The following EML6 variants were observed in gnomAD, a reference collection of about 807,000 sequenced individuals.
EML6 encodes the protein echinoderm microtubule-associated protein-like 6.
A neutral mutation model predicts 240.1 loss-of-function variants in EML6; 154 were observed. The observed-to-expected ratio is 0.64, with a 90% CI of 0.56 to 0.73. EML6 has a LOEUF of 0.73. EML6 is among the 30% of genes least tolerant of loss of function. EML6 has a pLI of 0.00. For missense variants in EML6, 2,964 were observed against 2,474.6 expected (o/e 1.20, Z -4.20); for synonymous variants, 1,148 against 899.0 (o/e 1.28, Z -4.95).
intron 7 of EML6, 73 bp from the exon 8 acceptor site, chr2:54,843,973 TG>T: frequency 1.1e-6 from 1 of 877,726 alleles, no homozygotes; most frequent in Non-Finnish European, 1.8e-6. Context: ...TTTGTGTGTG[TG>T]TGTGTGTGTG....
At chr2:54,775,588 C>T (rs754832844) in intron 2 of EML6, among the ~76,000 whole-genome samples, 1 of 152,294 alleles carries the variant, frequency 6.6e-6, no homozygotes, top group Admixed American at 6.5e-5. Flanking sequence ...CTTATTACAA[C>T]CTAAAACTGT....
At chr2:54,726,396 A>G (rs1008800548) in intron 2 of EML6, among the ~76,000 whole-genome samples, 7 of 152,214 alleles carry the variant, frequency 4.6e-5, no homozygotes, top group Admixed American at 2.6e-4. Context: ...AATGATTTCA[A>G]AGATCAGCTT....
chr2:54,938,736 C>T (rs967643839), intron 28 of EML6, among the ~76,000 whole-genome samples: 1 of 152,182 alleles, frequency 6.6e-6, no homozygotes, highest in African/African-American at 2.4e-5. Context: ...TGATGGGTTC[C>T]TTGGACATCT....
chr2:54,968,388 C>T, intron 40 of EML6, 107 bp downstream of exon 40: 1 of 1,079,972 alleles, frequency 9.3e-7, no homozygotes, highest in African/African-American at 1.6e-5. Context: ...GAAACCCTGT[C>T]CCGGTACAGT....
Position 54,962,727 on chromosome 2 carries a change from C to T in EML6, c.5157+16C>T, listed in dbSNP as rs953535486. ...GGCTGACAAGGTGAGGCCGACTCTGCCCAAACTCAGATGCCCACGAGTGGG... is the reference window on the plus strand; with the variant it reads ...GGCTGACAAGGTGAGGCCGACTCTGTCCAAACTCAGATGCCCACGAGTGGG... On this transcript the variant is annotated intron_variant, in intron 36 of 41. Coordinates refer to ENST00000356458, the MANE Select transcript of EML6 (RefSeq NM_001039753.4). 9.6e-6 allele frequency: 14 copies of T among 1,453,558 alleles called. No individual in the cohort carries two copies. The highest frequency in any genetic ancestry group is 1.3e-5 in the Non-Finnish European group (14 of 1,099,436). 90.0% of individuals were successfully genotyped at this position (1,453,558 alleles called of 1,614,324 possible). A position where few individuals can be genotyped will look rare whatever the true frequency, so the allele number is the denominator to read the frequency against.
intron 17 of EML6, among the ~76,000 whole-genome samples, chr2:54,888,903 G>C (rs1672303933): frequency 6.6e-6 from 1 of 152,130 alleles, no homozygotes; most frequent in Non-Finnish European, 1.5e-5. Context: ...TGGTCGTATG[G>C]TAAGAATATG....
At chr2:54,731,084 A>G (rs983749539) in intron 2 of EML6, among the ~76,000 whole-genome samples, 1 of 152,176 alleles carries the variant, frequency 6.6e-6, no homozygotes, top group Admixed American at 6.5e-5. Flanking sequence ...CAGAAACCTG[A>G]AGGGTGTGAA....
At chr2:54,787,308 T>C (rs942300825) in intron 2 of EML6, among the ~76,000 whole-genome samples, 2 of 152,162 alleles carry the variant, frequency 1.3e-5, no homozygotes, top group African/African-American at 4.8e-5. Flanking sequence ...GGGGGGGTCT[T>C]TGTGTGAACC....
chr2:54,811,989 C>G (rs530370369), intron 2 of EML6, among the ~76,000 whole-genome samples: 1 of 152,280 alleles, frequency 6.6e-6, no homozygotes, highest in East Asian at 1.9e-4. Flanking sequence ...AAGCACTTTT[C>G]AGATGTCCAA....
At chr2:54,936,343 G>C (rs1675133215) in intron 28 of EML6, among the ~76,000 whole-genome samples, 5 of 152,184 alleles carry the variant, frequency 3.3e-5, no homozygotes, top group Admixed American at 3.3e-4. Flanking sequence ...GTTACATCTG[G>C]TGGAGCCATG....
rs1033784249 is a variant in EML6 at position 54,968,257 on chromosome 2, T to C, written c.5727T>C (p.Phe1909=). The C allele has an allele frequency of 3.9e-6, 6 of 1,551,642 alleles. No homozygotes were observed. The Admixed American group carries it at 7.8e-5, about 20-fold the overall frequency. The change falls in exon 40 of 42, where the codon TTT becomes TTC. Residue 1909 remains phenylalanine (F), a synonymous_variant. Coordinates refer to ENST00000356458, the MANE Select transcript of EML6 (RefSeq NM_001039753.4). ...ATGACTTTGGGCTGGTGAAGCTCTT[T>C]GATTTTCCATGCACAGAAAAATTTG... is the stretch of plus-strand genomic sequence containing the variant. ...TGDDFGLVKL[F]DFPCTEKFAK...
At chr2:54,923,364 A>AACACACACACACACAC (rs1553416829) in intron 26 of EML6, among the ~76,000 whole-genome samples, 2 of 52,856 alleles carry the variant, frequency 3.8e-5, no homozygotes, top group African/African-American at 1.4e-4. Context: ...GTCCTCACCA[A>AACACACACACACACAC]ACGCACACAC....
At chr2:54,890,304 C>G (rs1465111966) in intron 17 of EML6, among the ~76,000 whole-genome samples, 1 of 152,148 alleles carries the variant, frequency 6.6e-6, no homozygotes. Context: ...ATTCGTAAGG[C>G]AGATCGGTCA....
intron 2 of EML6, among the ~76,000 whole-genome samples, chr2:54,769,801 G>A (rs1401885126): frequency 6.6e-6 from 1 of 152,094 alleles, no homozygotes; most frequent in African/African-American, 2.4e-5. Context: ...GTTAACTCTA[G>A]GTACTATCCT....
chr2:54,806,065 ACTT>A (rs1459187814), intron 2 of EML6, among the ~76,000 whole-genome samples: 4 of 151,958 alleles, frequency 2.6e-5, no homozygotes, highest in Admixed American at 6.6e-5. Context: ...TTTAAGCAGA[ACTT>A]CTACTTTTGT....
intron 2 of EML6, among the ~76,000 whole-genome samples, chr2:54,797,168 A>AAAAAAAAAAAAAAAAAAAC (rs1669841255): frequency 1.6e-5 from 2 of 125,908 alleles, no homozygotes; most frequent in Non-Finnish European, 3.6e-5. Context: ...CCATCTCAAA[A>AAAAAAAAAAAAAAAAAAAC]AAAAAAAAAA....
At chr2:54,818,384 G>A (rs914477201) in intron 4 of EML6, among the ~76,000 whole-genome samples, 6 of 152,170 alleles carry the variant, frequency 3.9e-5, no homozygotes, top group African/African-American at 7.2e-5. Flanking sequence ...GTATACTTCC[G>A]TAACAAATAG....
chr2:54,929,265 C>T (rs1674727893), intron 28 of EML6, among the ~76,000 whole-genome samples: 1 of 152,180 alleles, frequency 6.6e-6, no homozygotes, highest in South Asian at 2.1e-4. Flanking sequence ...TTTGGCATTT[C>T]CAGCCTATCC....
chr2:54,860,544 C>T (rs1337784081), intron 12 of EML6, among the ~76,000 whole-genome samples: 1 of 152,186 alleles, frequency 6.6e-6, no homozygotes, highest in East Asian at 1.9e-4. Context: ...TCTGAGCCTC[C>T]TCCCATGACT....
Sources: gnomAD v4.1 joint callset for allele counts (sites outside exome capture counted in the v4.1 genomes callset) on GRCh38, gnomAD v4.1.1 for gene constraint, MANE v1.5 for transcripts, NCBI Gene and HGNC (gene_info 2026-07-23, HGNC 2026-07-21) for gene names.